IQCM: variants seen among roughly 807,000 people sequenced by gnomAD.
The protein encoded by IQCM is IQ motif containing M.
IQCM carries 45 observed loss-of-function variants against 57.6 expected under a neutral mutation model. The ratio of observed to expected loss-of-function variants is 0.78; its 90% CI spans 0.62 to 1.00. The LOEUF is 1.00. Among genes scored for constraint, IQCM ranks in the 50% least tolerant of loss-of-function variants. The pLI is 0.00. For synonymous variants in IQCM, 148 were observed against 158.9 expected, an observed-to-expected ratio of 0.93 and a Z score of 0.51; for missense variants, 468 against 511.6, an observed-to-expected ratio of 0.91 and a Z score of 0.82.
intron 8 of IQCM, among the ~76,000 whole-genome samples, chr4:149,607,067 G>A (rs1384832843): frequency 6.6e-6 from 1 of 151,730 alleles, no homozygotes; most frequent in Non-Finnish European, 1.5e-5. Context: ...GAAGCTCAAA[G>A]AATACCAAGT....
intron 13 of IQCM, among the ~76,000 whole-genome samples, chr4:149,366,954 A>G (rs899214201): frequency 2.6e-5 from 4 of 152,040 alleles, no homozygotes; most frequent in Non-Finnish European, 5.9e-5. Flanking sequence ...ATGACAAACA[A>G]TGAGGAAAAC....
chr4:149,582,963 T>C (rs1467034612), intron 9 of IQCM, among the ~76,000 whole-genome samples: 6 of 151,534 alleles, frequency 4.0e-5, no homozygotes, highest in African/African-American at 1.5e-4. Flanking sequence ...ATTTTCAAGA[T>C]AAAAGGGAAA....
intron 7 of IQCM, among the ~76,000 whole-genome samples, chr4:149,665,767 A>G (rs1579916826): frequency 6.6e-6 from 1 of 152,164 alleles, no homozygotes; most frequent in Admixed American, 6.5e-5. Context: ...TTATTGGCAG[A>G]CCCACCCTCA....
intron 5 of IQCM, among the ~76,000 whole-genome samples, chr4:149,695,978 T>A (rs1465639810): frequency 6.6e-6 from 1 of 152,166 alleles, no homozygotes; most frequent in Non-Finnish European, 1.5e-5. Context: ...AAATGAAAGA[T>A]TTTTAACTTA....
intron 2 of IQCM, among the ~76,000 whole-genome samples, chr4:149,755,945 A>G (rs1768919976): frequency 6.6e-6 from 1 of 152,326 alleles, no homozygotes; most frequent in Admixed American, 6.5e-5. Flanking sequence ...CATTGGTACC[A>G]AAGTCCAAAT....
intron 2 of IQCM, among the ~76,000 whole-genome samples, chr4:149,777,638 A>G (rs1389864219): frequency 2.0e-5 from 3 of 152,230 alleles, no homozygotes; most frequent in African/African-American, 7.2e-5. Context: ...GTACTCCTCA[A>G]GAATATAGAA....
intron 12 of IQCM, among the ~76,000 whole-genome samples, chr4:149,471,414 A>C (rs567857990): frequency 6.6e-6 from 1 of 152,204 alleles, no homozygotes; most frequent in Non-Finnish European, 1.5e-5. Flanking sequence ...CAGGACTAAA[A>C]CAGGAAGAAG....
chr4:149,383,674 C>A (rs1415959661), intron 13 of IQCM, among the ~76,000 whole-genome samples: 2 of 152,154 alleles, frequency 1.3e-5, no homozygotes, highest in African/African-American at 2.4e-5. Context: ...AGAGCATAAG[C>A]CGTGCATGGT....
chr4:149,678,256 T>G (rs913355238), intron 7 of IQCM, among the ~76,000 whole-genome samples: 1 of 151,514 alleles, frequency 6.6e-6, no homozygotes, highest in African/African-American at 2.4e-5. Flanking sequence ...AGGTCAAGGA[T>G]AAAGAAAGAA....
chr4:149,714,020 T>C (rs1764782792), intron 5 of IQCM, among the ~76,000 whole-genome samples: 1 of 152,160 alleles, frequency 6.6e-6, no homozygotes. Context: ...GTTATCCATA[T>C]TTATCTAATT....
chr4:149,469,670 G>C (rs1177806320), intron 12 of IQCM, among the ~76,000 whole-genome samples: 1 of 152,156 alleles, frequency 6.6e-6, no homozygotes, highest in African/African-American at 2.4e-5. Context: ...ACACATAATT[G>C]TCAGATTCAC....
chr4:149,748,331 T>C (rs1423937642), intron 2 of IQCM, among the ~76,000 whole-genome samples: 2 of 152,194 alleles, frequency 1.3e-5, no homozygotes, highest in Non-Finnish European at 2.9e-5. Flanking sequence ...TGGGCATGCA[T>C]GGACACTTAC....
At chr4:149,613,591 T>C (rs1192185495) in intron 8 of IQCM, among the ~76,000 whole-genome samples, 2 of 152,148 alleles carry the variant, frequency 1.3e-5, no homozygotes, top group African/African-American at 4.8e-5. Context: ...AATTATACTT[T>C]AAGTTTTAGG....
At chr4:149,763,967 AT>A (rs1003274140) in intron 2 of IQCM, among the ~76,000 whole-genome samples, 2 of 152,234 alleles carry the variant, frequency 1.3e-5, no homozygotes, top group African/African-American at 4.8e-5. Flanking sequence ...GAAAAGATGC[AT>A]TTAAAAAAAA....
chr4:149,533,217 A>G (rs1346759917), intron 12 of IQCM, among the ~76,000 whole-genome samples: 1 of 152,174 alleles, frequency 6.6e-6, no homozygotes. Context: ...TTTATTCTAC[A>G]TGTGATAGGA....
At chr4:149,534,981 C>G (rs1042400313) in intron 12 of IQCM, among the ~76,000 whole-genome samples, 2 of 152,050 alleles carry the variant, frequency 1.3e-5, no homozygotes, top group African/African-American at 4.8e-5. Context: ...TAATTTATAT[C>G]GTGCATGACA....
intron 7 of IQCM, among the ~76,000 whole-genome samples, chr4:149,662,358 A>T (rs1284035242): frequency 6.6e-6 from 1 of 152,072 alleles, no homozygotes; most frequent in Admixed American, 6.6e-5. Context: ...GTAGCTTAAC[A>T]TATGATCTAT....
chr4:149,436,935 A>C (rs928325929), intron 12 of IQCM, among the ~76,000 whole-genome samples: 2 of 152,128 alleles, frequency 1.3e-5, no homozygotes, highest in Non-Finnish European at 2.9e-5. Context: ...GGTTATATAC[A>C]TTTGCTAATT....
intron 9 of IQCM, among the ~76,000 whole-genome samples, chr4:149,567,976 T>C (rs1048844029): frequency 3.3e-5 from 5 of 152,192 alleles, no homozygotes; most frequent in African/African-American, 1.2e-4. Flanking sequence ...CAAATAAGCA[T>C]ATTTTTAGCC....
Sources: gnomAD v4.1 joint callset for allele counts (sites outside exome capture counted in the v4.1 genomes callset) on GRCh38, gnomAD v4.1.1 for gene constraint, MANE v1.5 for transcripts, NCBI Gene and HGNC (gene_info 2026-07-23, HGNC 2026-07-21) for gene names.